Variants in RAPGEF3 observed in about 807,000 individuals in gnomAD.
The protein encoded by RAPGEF3 is Rap guanine nucleotide exchange factor 3.
In RAPGEF3, 103 loss-of-function variants were observed where a neutral mutation model predicts 129.8. The ratio of observed to expected loss-of-function variants is 0.79; its 90% CI spans 0.68 to 0.93. The LOEUF (loss-of-function observed/expected upper bound fraction) is 0.93. RAPGEF3 is among the 40% of genes least tolerant of loss of function. The probability of loss-of-function intolerance (pLI) is 0.00; values close to 1 mark genes in which losing one functional copy is unlikely to be tolerated. For missense variants in RAPGEF3, 1,117 were observed against 1,207.4 expected (o/e 0.93, Z 1.11); for synonymous variants, 436 against 482.6 (o/e 0.90, Z 1.26).
rs996509506 is a variant in RAPGEF3 at position 47,735,748 on chromosome 12, C to T, written c.*1819G>A. 1.3e-5 allele frequency: 2 copies of T among 152,474 alleles called. No individual in the cohort carries two copies. Among genetic ancestry groups the T allele is most frequent in the African/African-American group, 2.4e-5 (1 of 41,450 alleles). 9.4% of individuals were successfully genotyped at this position (152,474 alleles called of 1,614,324 possible). The stretch of plus-strand genomic sequence containing the variant: ...TTCTGTTGTGTCGCTGGGCTGGGCT[C>T]ACCCTAGAGTCTGAAGAACGGTGAA... On this transcript the variant is annotated 3_prime_UTR_variant, in exon 28 of 28. Coordinates refer to ENST00000449771, the MANE Select transcript of RAPGEF3 (RefSeq NM_001098531.4).
intron 23 of RAPGEF3, chr12:47,739,861 T>C (rs192442261): frequency 5.0e-5 from 27 of 536,986 alleles, no homozygotes; most frequent in Non-Finnish European, 5.4e-5. Flanking sequence ...GACACCCACA[T>C]GCTCCAGCCC....
At chr12:47,743,938 C>G (rs866957723) in intron 17 of RAPGEF3, 49 bp downstream of exon 17, 4 of 1,524,278 alleles carry the variant, frequency 2.6e-6, no homozygotes, top group African/African-American at 1.4e-5. Flanking sequence ...GAGGCAGAGA[C>G]AGCAGGGTGC....
Position 47,741,596 on chromosome 12 carries a change from A to G in RAPGEF3, c.1832T>C (p.Ile611Thr), listed in dbSNP as rs1206261383. The change falls in exon 19 of 28, where the codon ATT becomes ACT. Residue 611 changes from isoleucine to threonine, a missense_variant. Physicochemically the swap from Ile to Thr is moderately conservative, Grantham distance 89. This residue lies in a region of RAPGEF3 where 643 missense variants were observed against 673.4 expected (regional missense o/e 0.95). Transcript: ENST00000449771. ...LVKVNSAGDA[I>T]GLQPDARGVA... is the part of the protein sequence containing the mutation. ...ACCACGGGCATCTGGCTGCAGGCCA[A>G]TGGCATCTGCAAAGACAGCAGAGGC... 2.5e-6 allele frequency: 4 copies of G among 1,569,546 alleles called. No homozygotes were observed. Among genetic ancestry groups the G allele is most frequent in the Non-Finnish European group, 3.5e-6 (4 of 1,150,602 alleles).
In RAPGEF3 at chr12:47,741,006, C is replaced by A; in HGVS notation, c.1958G>T (p.Gly653Val). ...CACCAGGTCCAGCCCCTCAGCAGAG[C>A]CCACAGTGGGCCCCAGCTGGTCAGG... ...PHPDQLGPTV[G>V]SAEGLDLVSA... The change falls in exon 20 of 28, where the codon GGC (glycine) becomes GTC (valine). Residue 653 changes from glycine (G) to valine (V), a missense_variant. Gly to Val is a moderately radical substitution (Grantham distance 109). Transcript: ENST00000449771. 6.2e-7 allele frequency: 1 copy of A among 1,612,996 alleles called. No individual in the cohort carries two copies.
chr12:47,758,059 C>G lies in RAPGEF3; in HGVS notation c.26G>C (p.Ser9Thr). ...CACAGCCAGGCCCACCTGCCAGCAG[C>G]TCTCACCTGGCCAGCCCACCTGTGA... is the stretch of plus-strand genomic sequence containing the variant. The part of the protein sequence containing the change: MKVGWPGE[S>T]CWQVGLAVED... Residue 9 changes from serine to threonine, a missense_variant, in exon 2 of 28, where the codon AGC becomes ACC. By Grantham distance (58) the Ser-to-Thr change is moderately conservative (BLOSUM62 1). This residue lies in a region of RAPGEF3 where 367 missense variants were observed against 373.4 expected (regional missense o/e 0.98). Coordinates refer to ENST00000449771, the MANE Select transcript of RAPGEF3 (RefSeq NM_001098531.4). The G allele has an allele frequency of 6.4e-7, 1 of 1,569,492 alleles. No individual in the cohort carries two copies. The highest frequency in any genetic ancestry group is 8.6e-7 in the Non-Finnish European group (1 of 1,157,044).
intron 16 of RAPGEF3, 41 bp from the exon 17 acceptor site, chr12:47,744,109 T>G: frequency 6.7e-7 from 1 of 1,501,962 alleles, no homozygotes; most frequent in South Asian, 1.2e-5. Context: ...TGGGAGGACA[T>G]GAGAGGAGAC....
rs1162681926 is a variant in RAPGEF3, at chr12:47,749,377, C to T, written c.1041+13G>A. On this transcript the variant is annotated intron_variant, in intron 10 of 27. Coordinates refer to ENST00000449771, the MANE Select transcript of RAPGEF3 (RefSeq NM_001098531.4). This position sits in a 1 kb window ranked among gnomAD's most constrained non-coding sequence, Gnocchi z 4.5. ...CGAATGGCCCCTGCCCTCCCCAACC[C>T]CAGCAGCAGCACCTTGATGATACGG... The T allele has an allele frequency of 1.2e-6, 2 of 1,611,326 alleles. No homozygotes were observed. Among genetic ancestry groups the T allele is most frequent in the Admixed American group, 1.7e-5 (1 of 60,022 alleles).
At chr12:47,740,543 G>T in intron 21 of RAPGEF3, 99 bp downstream of exon 21, 1 of 1,510,406 alleles carries the variant, frequency 6.6e-7, no homozygotes, top group Non-Finnish European at 9.1e-7. Flanking sequence ...GGAACAAATA[G>T]GGTGGCAGAT....
intron 22 of RAPGEF3, 33 bp from the exon 23 acceptor site, chr12:47,740,224 G>C (rs200383541): frequency 1.7e-4 from 279 of 1,613,184 alleles, no homozygotes; most frequent in Non-Finnish European, 2.1e-4. Context: ...CGGCTGCTCT[G>C]GGGGAGGCCC....
Position 47,748,077 on chromosome 12 carries a change from T to G in RAPGEF3, c.1319A>C (p.His440Pro). 6.3e-7 allele frequency: 1 copy of G among 1,581,980 alleles called. No individual in the cohort carries two copies. The highest frequency in any genetic ancestry group is 8.6e-7 in the Non-Finnish European group (1 of 1,162,808). The change falls in exon 13 of 28, where the codon CAC (histidine) becomes CCC (proline). Residue 440 changes from histidine to proline, a missense_variant. His to Pro is a moderately conservative substitution (Grantham distance 77). Transcript: ENST00000449771. ...CCCCCTGGAGCTGGAAGGATATTGG[T>G]GCAGAAGGGCAGCGCAGAGTTGGGC... Reference protein sequence around the residue: ...PSAQLCAALLHHFHVEPAGGS... With the variant: ...PSAQLCAALLPHFHVEPAGGS...
At chr12:47,753,226 T>C (rs1592572407) in intron 2 of RAPGEF3, among the ~76,000 whole-genome samples, 2 of 152,226 alleles carry the variant, frequency 1.3e-5, no homozygotes, top group African/African-American at 4.8e-5. Flanking sequence ...GTGAGGTACC[T>C]TGTGTAACTC....
chr12:47,741,714 A>G lies in RAPGEF3; in HGVS notation c.1826-112T>C, dbSNP rs1419253499. On this transcript the variant is annotated intron_variant, in intron 18 of 27. Coordinates refer to ENST00000449771, the MANE Select transcript of RAPGEF3 (RefSeq NM_001098531.4). ...AGGCTGAGAGGTTGTTTCTCCTAGT[A>G]GCGGGGTTGAAGTCCTGGGTGGTGC... 6 of 891,916 alleles carry G rather than the reference A, an allele frequency of 6.7e-6. No homozygotes were observed. In the East Asian group the frequency reaches 7.7e-5, roughly 11 times the overall value. The allele number at this position is 891,916 out of a possible 1,614,324, so 55.3% of individuals were successfully genotyped here. A position where few individuals can be genotyped will look rare whatever the true frequency, so the allele number is the denominator to read the frequency against.
At chr12:47,751,316 T>A (rs1941727012) in intron 5 of RAPGEF3, 83 bp downstream of exon 5, 1 of 1,586,124 alleles carries the variant, frequency 6.3e-7, no homozygotes, top group African/African-American at 1.3e-5. Flanking sequence ...CCCCAAGTAG[T>A]GCCTGCTTCC....
At chr12:47,754,187 A>G in intron 2 of RAPGEF3, among the ~76,000 whole-genome samples, 1 of 152,260 alleles carries the variant, frequency 6.6e-6, no homozygotes, top group East Asian at 1.9e-4. Context: ...TCTGATTCCA[A>G]AGGCCATGCT....
In RAPGEF3 at chr12:47,744,022, G is replaced by C; in HGVS notation, c.1643C>G (p.Pro548Arg). 1 of 1,612,650 alleles carries C rather than the reference G, an allele frequency of 6.2e-7. No homozygotes were observed. Among genetic ancestry groups the C allele is most frequent in the South Asian group, 1.1e-5 (1 of 91,046 alleles). The change falls in exon 17 of 28, where the codon CCT becomes CGT. Residue 548 changes from proline (P) to arginine (R), a missense_variant. Around this residue, in one of 3 missense-constraint regions of RAPGEF3, gnomAD observed 643 missense variants for 673.4 expected, o/e 0.95. Coordinates refer to ENST00000449771, the MANE Select transcript of RAPGEF3 (RefSeq NM_001098531.4). ...VWLPNQDEPL[P>R]GSSCAIQVGD... ...AACTTGGATGGCACAGCTGCTGCCA[G>C]GAAGGGGCTCGTCCTGGTTGGGGAG...
chr12:47,751,436 G>T lies in RAPGEF3; in HGVS notation c.465C>A (p.Ile155=). ...GVHSRSQVVG[I]CQVLLDEGAL... is the part of the protein sequence containing the mutation. ...CACCTTCATCCAGCAGCACCTGGCA[G>T]ATTCCCACAACTTGGCTCCGGGAAT... is the stretch of plus-strand genomic sequence containing the variant. The change falls in exon 5 of 28, where the codon ATC becomes ATA. Residue 155 remains isoleucine (I), a synonymous_variant. Transcript: ENST00000449771. 3.7e-6 allele frequency: 6 copies of T among 1,614,200 alleles called. No homozygotes were observed. The highest frequency in any genetic ancestry group is 5.1e-6 in the Non-Finnish European group (6 of 1,180,036).
intron 2 of RAPGEF3, among the ~76,000 whole-genome samples, chr12:47,752,282 TG>T (rs1338006438): frequency 1.3e-5 from 2 of 152,086 alleles, no homozygotes; most frequent in Non-Finnish European, 1.5e-5. Flanking sequence ...CTGCCCCTGT[TG>T]GGGGAAAGAA....
At position 47,746,918 on chromosome 12, in the gene RAPGEF3, G is replaced by A. The variant is rs1399765246; in HGVS notation, c.1557-19C>T. ...CTCCAACCTGCAGACAAGAGAGAAG[G>A]GAGGTGAGTGAGCCCAGGTATCCCT... On this transcript the variant is annotated intron_variant, in intron 15 of 27. Coordinates refer to ENST00000449771, the MANE Select transcript of RAPGEF3 (RefSeq NM_001098531.4). 2 of 1,603,138 alleles carry A rather than the reference G, an allele frequency of 1.2e-6. No homozygotes were observed. Among genetic ancestry groups the A allele is most frequent in the Non-Finnish European group, 1.7e-6 (2 of 1,175,944 alleles).
chr12:47,738,414 C>A (rs1940929881), intron 25 of RAPGEF3, among the ~76,000 whole-genome samples, 167 bp from the exon 26 acceptor site: 1 of 152,012 alleles, frequency 6.6e-6, no homozygotes, highest in Admixed American at 6.5e-5. Flanking sequence ...AGAGGCCCAG[C>A]GGGGACCAGG....
Sources: allele counts gnomAD v4.1 joint callset (sites outside exome capture counted in the v4.1 genomes callset), GRCh38; gene constraint gnomAD v4.1.1; regional missense constraint gnomAD v4.1.1; non-coding constraint Gnocchi (gnomAD v3.1); transcripts MANE v1.5; gene names NCBI Gene and HGNC (gene_info 2026-07-23, HGNC 2026-07-21).